CPSF3: variants seen among roughly 807,000 people sequenced by gnomAD.
CPSF3 encodes the protein cleavage and polyadenylation specific factor 3.
In CPSF3, 57 loss-of-function variants were observed where a neutral mutation model predicts 84.1. The observed-to-expected ratio is 0.68, with a 90% CI of 0.55 to 0.85. CPSF3 has a LOEUF of 0.85. Ranked by LOEUF, CPSF3 falls within the 40% of genes least tolerant of loss-of-function variation. The pLI, the probability that CPSF3 is intolerant of heterozygous loss-of-function variation, is 0.00. For missense variants in CPSF3, 522 were observed against 838.8 expected (o/e 0.62, Z 4.66); for synonymous variants, 275 against 278.1 (o/e 0.99, Z 0.11).
chr2:9,425,120 T>A (rs1307528485), intron 1 of CPSF3, among the ~76,000 whole-genome samples: 1 of 151,848 alleles, frequency 6.6e-6, no homozygotes, highest in East Asian at 1.9e-4. Context: ...AAAGAATGAG[T>A]AGGAGTTAAA....
chr2:9,471,224 A>T (rs1682150620), intron 16 of CPSF3, 119 bp from the exon 17 acceptor site: 1 of 625,534 alleles, frequency 1.6e-6, no homozygotes. Context: ...AAAAAAAAAA[A>T]GAAAAAAAGT....
rs1197055357 is a variant in CPSF3 at position 9,466,352 on chromosome 2, G to GCACA, written c.1787-1347_1787-1344dup. On this transcript the variant is annotated intron_variant, in intron 15 of 17. Transcript: ENST00000238112. Reference sequence around the variant, plus strand: ...GACGCACGCACACACGCGCGCGCGCGCACACACACACGCACACACCCACGC... The same window carrying GCACA: ...GACGCACGCACACACGCGCGCGCGCGCACACACACACACACGCACACACCCACGC... Among the ~76,000 whole-genome samples, 26 of 129,150 alleles carry GCACA rather than the reference G, an allele frequency of 2.0e-4. No homozygotes were observed. The East Asian group carries it at 5.4e-3, about 27-fold the overall frequency. 84.7% of individuals were successfully genotyped at this position (129,150 alleles called of 152,430 possible).
chr2:9,458,062 A>G (rs1163873318), intron 14 of CPSF3, among the ~76,000 whole-genome samples: 1 of 152,168 alleles, frequency 6.6e-6, no homozygotes, highest in Non-Finnish European at 1.5e-5. Context: ...TCCCGATGCA[A>G]TTCTGTGATT....
At chr2:9,459,883 C>T (rs1681677909) in intron 15 of CPSF3, among the ~76,000 whole-genome samples, 1 of 151,680 alleles carries the variant, frequency 6.6e-6, no homozygotes, top group East Asian at 1.9e-4. Context: ...CTCCTGACCT[C>T]GTGATCCGCC....
chr2:9,431,290 GT>G (rs1680576033), intron 4 of CPSF3, among the ~76,000 whole-genome samples: 1 of 152,220 alleles, frequency 6.6e-6, no homozygotes, highest in South Asian at 2.1e-4. Context: ...CTGGGCTCCA[GT>G]GATCCTCCTG....
chr2:9,443,987 A>G (rs901339299), intron 10 of CPSF3, among the ~76,000 whole-genome samples: 1 of 151,938 alleles, frequency 6.6e-6, no homozygotes, highest in Admixed American at 6.6e-5. Flanking sequence ...TCTCTTACTT[A>G]CTATGTAACC....
At chr2:9,464,915 T>C (rs1681850615) in intron 15 of CPSF3, among the ~76,000 whole-genome samples, 1 of 151,882 alleles carries the variant, frequency 6.6e-6, no homozygotes, top group African/African-American at 2.4e-5. Context: ...TTAATGGAGA[T>C]GGGGTCTTGC....
At chr2:9,437,424 C>CA (rs993663303) in intron 7 of CPSF3, among the ~76,000 whole-genome samples, 50 of 147,008 alleles carry the variant, frequency 3.4e-4, no homozygotes, top group East Asian at 3.0e-3. Flanking sequence ...CAAACAACAA[C>CA]AAAAAAAAAA....
chr2:9,459,524 T>C lies in CPSF3; in HGVS notation c.1699-7T>C. 1 of 1,609,666 alleles carries C rather than the reference T, an allele frequency of 6.2e-7. No homozygotes were observed. The highest frequency in any genetic ancestry group is 1.3e-5 in the African/African-American group (1 of 74,936). ...GTCACTTCCTAATTCTGCCTTTTGC[T>C]TTCCAGTGGCTGGCAAACCCTTCTA... On this transcript the variant is annotated splice_polypyrimidine_tract_variant and splice_region_variant and intron_variant, in intron 14 of 17. Coordinates refer to ENST00000238112, the MANE Select transcript of CPSF3 (RefSeq NM_016207.4).
intron 11 of CPSF3, among the ~76,000 whole-genome samples, chr2:9,452,618 G>T (rs1299893691): frequency 1.3e-5 from 2 of 152,152 alleles, no homozygotes. Context: ...CTACTGCAGT[G>T]CAGCTAGTGA....
chr2:9,443,013 A>C (rs1488134832), intron 9 of CPSF3, among the ~76,000 whole-genome samples: 2 of 152,108 alleles, frequency 1.3e-5, no homozygotes, highest in Non-Finnish European at 2.9e-5. Flanking sequence ...AAATACAAAA[A>C]TTAGCCAGGT....
intron 12 of CPSF3, among the ~76,000 whole-genome samples, chr2:9,453,292 C>T (rs1572793874): frequency 6.6e-6 from 1 of 152,294 alleles, no homozygotes; most frequent in African/African-American, 2.4e-5. Flanking sequence ...CTACAACAGA[C>T]TTGTGGGCTT....
intron 9 of CPSF3, 95 bp from the exon 10 acceptor site, chr2:9,443,420 T>G: frequency 1.5e-6 from 2 of 1,305,720 alleles, no homozygotes; most frequent in South Asian, 3.0e-5. Context: ...GTCCTAAATT[T>G]AACATGAATT....
rs188745306 is a variant in CPSF3 at position 9,450,444 on chromosome 2, C to G, written c.1395+2094C>G. Among the ~76,000 whole-genome samples, 4 of 152,080 alleles carry G rather than the reference C, an allele frequency of 2.6e-5. No individual in the cohort carries two copies. In the South Asian group the frequency reaches 8.3e-4, roughly 32 times the overall value. ...TGCTGGGATTACAGGCGTGACCCAC[C>G]GTGCCCAGTCTGAGGCTCAAACTTT... On this transcript the variant is annotated intron_variant, in intron 11 of 17. Transcript: ENST00000238112.
intron 9 of CPSF3, among the ~76,000 whole-genome samples, chr2:9,443,284 C>A (rs1681015777): frequency 6.6e-6 from 1 of 152,160 alleles, no homozygotes; most frequent in Admixed American, 6.5e-5. Context: ...ATTCTCACTG[C>A]CAGCACTCCA....
At position 9,472,801 on chromosome 2, in the gene CPSF3, A is replaced by G. The variant is rs189639495; in HGVS notation, c.1954-115A>G. On this transcript the variant is annotated intron_variant, in intron 17 of 17. Transcript: ENST00000238112. The stretch of plus-strand genomic sequence containing the variant: ...TTATCTGGGACCACAGGCACACGCC[A>G]CCACAGCTGGCTAATTTTTTATGAG... The G allele has an allele frequency of 1.7e-3, 1,328 of 769,646 alleles. 2 individuals are homozygous for G. The highest frequency in any genetic ancestry group is 2.6e-3 in the Non-Finnish European group (1,181 of 448,936). The allele number at this position is 769,646 out of a possible 1,614,324, so 47.7% of individuals were successfully genotyped here.
chr2:9,462,058 C>T (rs190358165), intron 15 of CPSF3, among the ~76,000 whole-genome samples: 2 of 152,100 alleles, frequency 1.3e-5, no homozygotes, highest in Non-Finnish European at 2.9e-5. Context: ...CCGTGCCGGG[C>T]CTAGGAGGAT....
chr2:9,468,257 A>C (rs1026289298), intron 16 of CPSF3, among the ~76,000 whole-genome samples: 1 of 152,088 alleles, frequency 6.6e-6, no homozygotes, highest in East Asian at 1.9e-4. Flanking sequence ...TGGGAGATAG[A>C]GTCTTGCTCC....
At chr2:9,430,944 G>T in intron 4 of CPSF3, 64 bp downstream of exon 4, 2 of 1,269,602 alleles carry the variant, frequency 1.6e-6, no homozygotes, top group South Asian at 1.3e-5. Context: ...TTCAAGATAT[G>T]GACCATTTTG....
Sources: gnomAD v4.1 joint callset for allele counts (sites outside exome capture counted in the v4.1 genomes callset) on GRCh38, gnomAD v4.1.1 for gene constraint, MANE v1.5 for transcripts, NCBI Gene and HGNC (gene_info 2026-07-23, HGNC 2026-07-21) for gene names.